Variants in GALNT18 observed in about 807,000 individuals in gnomAD.
GALNT18 encodes the protein polypeptide N-acetylgalactosaminyltransferase 18, also known as GalNAc-transferase 18.
A neutral mutation model predicts 69.5 loss-of-function variants in GALNT18; 44 were observed. The observed-to-expected ratio is 0.63, with a 90% CI of 0.50 to 0.81. The LOEUF is 0.81. GALNT18 is among the 40% of genes least tolerant of loss of function. GALNT18 has a pLI of 0.00. For missense variants in GALNT18, 715 were observed against 810.0 expected, an observed-to-expected ratio of 0.88 and a Z score of 1.42; for synonymous variants, 364 against 318.2, an observed-to-expected ratio of 1.14 and a Z score of -1.53.
intron 5 of GALNT18, among the ~76,000 whole-genome samples, chr11:11,376,330 C>T (rs554048392): frequency 6.6e-5 from 10 of 152,234 alleles, no homozygotes; most frequent in Non-Finnish European, 1.5e-4. Context: ...TTCATTGAGC[C>T]GAGATCACGC....
intron 9 of GALNT18, among the ~76,000 whole-genome samples, chr11:11,298,496 G>A (rs1849438395): frequency 1.3e-5 from 2 of 152,228 alleles, no homozygotes; most frequent in Admixed American, 6.5e-5. Flanking sequence ...CCTTGGAGGG[G>A]CTCTCCTCGG....
At chr11:11,283,156 CTTTT>C (rs966215557) in intron 10 of GALNT18, among the ~76,000 whole-genome samples, 3 of 151,906 alleles carry the variant, frequency 2.0e-5, no homozygotes, top group Non-Finnish European at 4.4e-5. Context: ...CAGACTTTGG[CTTTT>C]TATTTTTTTC....
chr11:11,473,281 G>C (rs1348359573), intron 1 of GALNT18, among the ~76,000 whole-genome samples: 1 of 152,190 alleles, frequency 6.6e-6, no homozygotes, highest in Non-Finnish European at 1.5e-5. Flanking sequence ...TTGGATGAGT[G>C]AAAATGTATT....
chr11:11,437,624 C>T lies in GALNT18; in HGVS notation c.429-4837G>A, dbSNP rs1448584359. On this transcript the variant is annotated intron_variant, in intron 2 of 10. Coordinates refer to ENST00000227756, the MANE Select transcript of GALNT18 (RefSeq NM_198516.3). The stretch of plus-strand genomic sequence containing the variant: ...CTCGGCCACCAGATAAGACCTGGGG[C>T]GGTGGCCAAACCTCATGCGCTATAG... 3.9e-5 allele frequency among the ~76,000 whole-genome samples: 6 copies of T among 152,152 alleles called. No homozygotes were observed. The East Asian group carries it at 7.8e-4, about 20-fold the overall frequency.
At chr11:11,280,071 A>T (rs1849037328) in intron 10 of GALNT18, among the ~76,000 whole-genome samples, 2 of 152,252 alleles carry the variant, frequency 1.3e-5, no homozygotes, top group East Asian at 1.9e-4. Context: ...CCAGCCGATC[A>T]CACAAACCTA....
At chr11:11,449,856 G>A (rs1855751562) in intron 1 of GALNT18, among the ~76,000 whole-genome samples, 1 of 152,202 alleles carries the variant, frequency 6.6e-6, no homozygotes, top group South Asian at 2.1e-4. Flanking sequence ...TAAATAAAGT[G>A]TATAAAGCAT....
intron 1 of GALNT18, among the ~76,000 whole-genome samples, chr11:11,508,983 C>G (rs940221838): frequency 1.3e-5 from 2 of 152,194 alleles, no homozygotes; most frequent in Non-Finnish European, 2.9e-5. Context: ...ATCTGGCACT[C>G]AGGCTCAACC....
intron 6 of GALNT18, among the ~76,000 whole-genome samples, chr11:11,368,613 T>A (rs1396910205): frequency 6.6e-6 from 1 of 152,220 alleles, no homozygotes; most frequent in Admixed American, 6.5e-5. Context: ...CCTTTAATAA[T>A]GTTCATGTAG....
Position 11,618,411 on chromosome 11 carries a change from T to C in GALNT18, c.235+2948A>G, listed in dbSNP as rs1017770400. ...GTCCTGCATGTTCAGTAAACATTAG[T>C]TAAAGGACTGGAACCTCTGCCTCTT... On this transcript the variant is annotated intron_variant, in intron 1 of 10. Transcript: ENST00000227756. This position sits in a 1 kb window ranked among gnomAD's most constrained non-coding sequence, Gnocchi z 6.1. Among the ~76,000 whole-genome samples, 1 of 152,158 alleles carries C rather than the reference T, an allele frequency of 6.6e-6. No individual in the cohort carries two copies. Among genetic ancestry groups the C allele is most frequent in the Admixed American group, 6.5e-5 (1 of 15,282 alleles).
intron 1 of GALNT18, among the ~76,000 whole-genome samples, chr11:11,491,060 G>C (rs1019564320): frequency 4.6e-5 from 7 of 152,278 alleles, no homozygotes; most frequent in African/African-American, 1.7e-4. Context: ...GGTCTAGCAA[G>C]TGTCCAGAGA....
At chr11:11,437,592 C>A (rs899257109) in intron 2 of GALNT18, among the ~76,000 whole-genome samples, 1 of 152,054 alleles carries the variant, frequency 6.6e-6, no homozygotes, top group Non-Finnish European at 1.5e-5. Context: ...TGAGGTAAAG[C>A]CCAGTTCTCG....
chr11:11,301,752 CTT>C (rs1849498493), intron 9 of GALNT18, among the ~76,000 whole-genome samples: 1 of 152,214 alleles, frequency 6.6e-6, no homozygotes, highest in South Asian at 2.1e-4. Context: ...CAAACACCCT[CTT>C]TGCCTCTCGG....
At chr11:11,526,351 A>G (rs1857524478) in intron 1 of GALNT18, among the ~76,000 whole-genome samples, 1 of 152,186 alleles carries the variant, frequency 6.6e-6, no homozygotes, top group Non-Finnish European at 1.5e-5. Context: ...ATAAATTCAT[A>G]GACTCTTACA....
chr11:11,478,136 A>C (rs898285629), intron 1 of GALNT18, among the ~76,000 whole-genome samples: 1 of 152,210 alleles, frequency 6.6e-6, no homozygotes, highest in Non-Finnish European at 1.5e-5. Flanking sequence ...ATACAAAGAG[A>C]AAAGAAAACA....
chr11:11,441,877 A>T (rs192223536), intron 2 of GALNT18, among the ~76,000 whole-genome samples: 4 of 152,330 alleles, frequency 2.6e-5, no homozygotes, highest in Admixed American at 2.0e-4. Context: ...GAACTTTAGT[A>T]TAGTGACAGC....
chr11:11,590,884 C>T lies in GALNT18; in HGVS notation c.235+30475G>A, dbSNP rs959203433. ...ATAGAACATACAATTATGTACAGTACATAATCATTGATAATGATGATCAAC... is the reference window on the plus strand; with the variant it reads ...ATAGAACATACAATTATGTACAGTATATAATCATTGATAATGATGATCAAC... On this transcript the variant is annotated intron_variant, in intron 1 of 10. Transcript: ENST00000227756. This position sits in a 1 kb window ranked among gnomAD's most constrained non-coding sequence, Gnocchi z 4.4. Among the ~76,000 whole-genome samples, 8 of 152,044 alleles carry T rather than the reference C, an allele frequency of 5.3e-5. No homozygotes were observed. The highest frequency in any genetic ancestry group is 1.7e-4 in the African/African-American group (7 of 41,406).
intron 6 of GALNT18, among the ~76,000 whole-genome samples, chr11:11,358,114 T>C (rs1174134401): frequency 7.0e-6 from 1 of 142,548 alleles, no homozygotes; most frequent in Non-Finnish European, 1.6e-5. Context: ...AAATCTCTTC[T>C]GTTTTCAGAA....
intron 1 of GALNT18, among the ~76,000 whole-genome samples, chr11:11,531,099 AGT>A (rs1857637254): frequency 6.6e-6 from 1 of 152,086 alleles, no homozygotes. Context: ...CCTCCTCCTG[AGT>A]GTGCTGCTGT....
chr11:11,285,569 C>T (rs1030792592), intron 10 of GALNT18, among the ~76,000 whole-genome samples: 2 of 152,194 alleles, frequency 1.3e-5, no homozygotes, highest in African/African-American at 2.4e-5. Flanking sequence ...ACTAATTGCA[C>T]ATCCAAGGCC....
Sources: gnomAD v4.1 joint callset for allele counts (sites outside exome capture counted in the v4.1 genomes callset) on GRCh38, gnomAD v4.1.1 for gene constraint, Gnocchi (gnomAD v3.1) non-coding constraint, MANE v1.5 for transcripts, NCBI Gene and HGNC (gene_info 2026-07-23, HGNC 2026-07-21) for gene names.